The following ULK4 variants were observed in gnomAD, a reference collection of about 807,000 sequenced individuals.
The protein encoded by ULK4 is unc-51 like kinase 4, also known as inactive serine/threonine-protein kinase ULK4.
ULK4 carries 133 observed loss-of-function variants against 160.6 expected under a neutral mutation model. That is an observed-to-expected ratio of 0.83 (90% confidence interval 0.72 to 0.96). The LOEUF (loss-of-function observed/expected upper bound fraction) is 0.96. ULK4 is among the 40% of genes least tolerant of loss of function. ULK4 has a pLI of 0.00. For missense variants in ULK4, 1,580 were observed against 1,499.5 expected (o/e 1.05, Z -0.89); for synonymous variants, 534 against 539.8 (o/e 0.99, Z 0.15).
chr3:41,833,854 T>C (rs1359996940), intron 18 of ULK4, among the ~76,000 whole-genome samples: 1 of 152,098 alleles, frequency 6.6e-6, no homozygotes, highest in African/African-American at 2.4e-5. Context: ...CTTTATTTCT[T>C]TCTCTTGCCT....
chr3:41,801,883 GAAAA>G (rs1269426957), intron 19 of ULK4, among the ~76,000 whole-genome samples: 3 of 151,338 alleles, frequency 2.0e-5, no homozygotes, highest in African/African-American at 7.3e-5. Flanking sequence ...AAAAAGAAAA[GAAAA>G]CTTTACAAGC....
intron 29 of ULK4, among the ~76,000 whole-genome samples, chr3:41,665,457 A>G (rs1317851093): frequency 6.6e-6 from 1 of 152,192 alleles, no homozygotes; most frequent in Non-Finnish European, 1.5e-5. Flanking sequence ...ACTACACACC[A>G]TAATGTTCAA....
chr3:41,648,918 G>A (rs978578443), intron 30 of ULK4, among the ~76,000 whole-genome samples: 1 of 152,102 alleles, frequency 6.6e-6, no homozygotes, highest in Non-Finnish European at 1.5e-5. Flanking sequence ...CAGATCGTTT[G>A]AGCCCAGGAG....
At chr3:41,845,774 CA>C (rs1439828344) in intron 17 of ULK4, among the ~76,000 whole-genome samples, 2 of 152,050 alleles carry the variant, frequency 1.3e-5, no homozygotes, top group Non-Finnish European at 2.9e-5. Context: ...TTGTCCCCCC[CA>C]AATCTCATGT....
chr3:41,754,273 T>A, intron 22 of ULK4, 88 bp downstream of exon 22: 1 of 1,407,860 alleles, frequency 7.1e-7, no homozygotes, highest in Non-Finnish European at 9.5e-7. Context: ...AAATACCAGA[T>A]ACACAGAGGC....
At chr3:41,682,101 T>C (rs2035942915) in intron 27 of ULK4, among the ~76,000 whole-genome samples, 1 of 152,206 alleles carries the variant, frequency 6.6e-6, no homozygotes, top group South Asian at 2.1e-4. Flanking sequence ...TTGGCACAGG[T>C]TGGCATTAAA....
At chr3:41,513,153 T>C (rs149744050) in intron 32 of ULK4, among the ~76,000 whole-genome samples, 4 of 152,264 alleles carry the variant, frequency 2.6e-5, no homozygotes, top group African/African-American at 7.2e-5. Context: ...GAACTGAAGA[T>C]GGATCAAAGA....
intron 30 of ULK4, among the ~76,000 whole-genome samples, chr3:41,638,207 A>C (rs1183639241): frequency 2.0e-5 from 3 of 152,218 alleles, no homozygotes; most frequent in Non-Finnish European, 4.4e-5. Flanking sequence ...GTATGTTGTT[A>C]TCTTAATGAA....
chr3:41,316,271 G>C (rs2080141588), intron 35 of ULK4, among the ~76,000 whole-genome samples: 1 of 152,160 alleles, frequency 6.6e-6, no homozygotes, highest in African/African-American at 2.4e-5. Flanking sequence ...CTAAGTGAAA[G>C]AGGTCAGACA....
intron 32 of ULK4, among the ~76,000 whole-genome samples, chr3:41,535,440 C>T (rs1336502748): frequency 4.6e-5 from 7 of 152,170 alleles, no homozygotes; most frequent in Admixed American, 2.0e-4. Context: ...AAGCAGAGAA[C>T]AATCATTTCT....
At chr3:41,872,040 A>G (rs1697114316) in intron 17 of ULK4, among the ~76,000 whole-genome samples, 1 of 152,130 alleles carries the variant, frequency 6.6e-6, no homozygotes, top group African/African-American at 2.4e-5. Flanking sequence ...AGTCACCTCA[A>G]TCCTGTGAAG....
chr3:41,708,175 T>C (rs570428322), intron 25 of ULK4, among the ~76,000 whole-genome samples: 1 of 134,108 alleles, frequency 7.5e-6, no homozygotes, highest in Non-Finnish European at 1.5e-5. Flanking sequence ...TAAATACATA[T>C]ACATATATAT....
At chr3:41,871,036 G>A (rs571636925) in intron 17 of ULK4, among the ~76,000 whole-genome samples, 56 of 152,298 alleles carry the variant, frequency 3.7e-4, no homozygotes, top group African/African-American at 1.3e-3. Context: ...CTCCCGCCAT[G>A]TAAAGAGGTG....
At chr3:41,912,488 T>G (rs191377905) in intron 9 of ULK4, among the ~76,000 whole-genome samples, 2 of 152,304 alleles carry the variant, frequency 1.3e-5, no homozygotes, top group South Asian at 4.1e-4. Context: ...ACAAGTCACA[T>G]GACCACACCT....
chr3:41,428,750 C>A (rs1403201536), intron 34 of ULK4, among the ~76,000 whole-genome samples: 1 of 152,024 alleles, frequency 6.6e-6, no homozygotes, highest in Non-Finnish European at 1.5e-5. Context: ...CCCTTCCTTA[C>A]AATATATACA....
At chr3:41,521,727 A>G (rs2085937502) in intron 32 of ULK4, among the ~76,000 whole-genome samples, 1 of 152,254 alleles carries the variant, frequency 6.6e-6, no homozygotes, top group African/African-American at 2.4e-5. Context: ...ACACTAATTC[A>G]GTTATTATAC....
intron 35 of ULK4, among the ~76,000 whole-genome samples, chr3:41,309,664 C>T (rs1180882963): frequency 4.6e-5 from 7 of 152,048 alleles, no homozygotes; most frequent in South Asian, 4.2e-4. Context: ...TGTTTTAGAA[C>T]GATTACTTTA....
chr3:41,764,523 T>A (rs78314995), intron 21 of ULK4, among the ~76,000 whole-genome samples: 7 of 152,170 alleles, frequency 4.6e-5, no homozygotes, highest in Non-Finnish European at 1.0e-4. Flanking sequence ...AGCAGGAGGA[T>A]TGTTCAAGAC....
At chr3:41,291,737 G>A (rs1298110498) in intron 35 of ULK4, among the ~76,000 whole-genome samples, 1 of 152,100 alleles carries the variant, frequency 6.6e-6, no homozygotes, top group African/African-American at 2.4e-5. Flanking sequence ...GGGCTTCTGG[G>A]GTACTGCGAT....
Sources: gnomAD v4.1 joint callset for allele counts (sites outside exome capture counted in the v4.1 genomes callset) on GRCh38, gnomAD v4.1.1 for gene constraint, MANE v1.5 for transcripts, NCBI Gene and HGNC (gene_info 2026-07-23, HGNC 2026-07-21) for gene names.